DLGAP2: variants seen among roughly 807,000 people sequenced by gnomAD.
The protein encoded by DLGAP2 is disks large-associated protein 2.
A neutral mutation model predicts 100.3 loss-of-function variants in DLGAP2; 26 were observed. That is an observed-to-expected ratio of 0.26 (90% CI 0.19 to 0.36). DLGAP2 has a LOEUF of 0.36. Ranked by LOEUF, DLGAP2 falls within the 10% of genes least tolerant of loss-of-function variation. DLGAP2 has a pLI of 1.00. For missense variants in DLGAP2, 1,858 were observed against 1,453.2 expected, an observed-to-expected ratio of 1.28 and a Z score of -4.53; for synonymous variants, 886 against 630.1, an observed-to-expected ratio of 1.41 and a Z score of -6.08.
chr8:1,202,725 C>T (rs1455088255), intron 2 of DLGAP2, among the ~76,000 whole-genome samples: 3 of 152,184 alleles, frequency 2.0e-5, no homozygotes, highest in South Asian at 2.1e-4. Context: ...GCTTCCTCCT[C>T]AGTCTCCTGT....
chr8:1,000,991 G>A (rs143710706), intron 2 of DLGAP2, among the ~76,000 whole-genome samples: 2 of 152,308 alleles, frequency 1.3e-5, no homozygotes, highest in East Asian at 3.9e-4. Flanking sequence ...CGCTCACCCT[G>A]TTCGCTGTGC....
At chr8:1,355,188 C>T (rs894555694) in intron 3 of DLGAP2, among the ~76,000 whole-genome samples, 4 of 152,230 alleles carry the variant, frequency 2.6e-5, no homozygotes, top group South Asian at 2.1e-4. Flanking sequence ...ACTGCATGCC[C>T]GTGACAGTGG....
chr8:1,074,331 G>A (rs2701949), intron 2 of DLGAP2, among the ~76,000 whole-genome samples: 2,905 of 148,462 alleles, frequency 0.02, 43 homozygotes, highest in African/African-American at 0.069. Context: ...AGCAGACTGA[G>A]GCTGAACTCA....
intron 6 of DLGAP2, among the ~76,000 whole-genome samples, chr8:1,567,310 G>A (rs78874977): frequency 0.01 from 1,594 of 152,318 alleles, 37 homozygotes; most frequent in African/African-American, 0.037. Context: ...GTCTTCTGGG[G>A]AAAAGCACAC....
chr8:1,043,318 ACGTGGGTGATGGGTGTGGGTGGTGGG>A (rs1802424137), intron 2 of DLGAP2, among the ~76,000 whole-genome samples: 1 of 46,632 alleles, frequency 2.1e-5, no homozygotes, highest in Non-Finnish European at 4.1e-5. Context: ...TGGGTGATGG[ACGTGGGTGATGGGTGTGGGTGGTGGG>A]TGTGGGTGGT....
At chr8:1,085,210 A>T (rs1803935496) in intron 2 of DLGAP2, among the ~76,000 whole-genome samples, 1 of 152,068 alleles carries the variant, frequency 6.6e-6, no homozygotes, top group Non-Finnish European at 1.5e-5. Flanking sequence ...TAATTGGATA[A>T]TTTCTTTTCT....
intron 1 of DLGAP2, among the ~76,000 whole-genome samples, chr8:781,105 A>G (rs964873162): frequency 1.3e-5 from 2 of 152,152 alleles, no homozygotes; most frequent in African/African-American, 4.8e-5. Context: ...TTATTGACTG[A>G]TCTTTATTCC....
chr8:1,381,037 T>C (rs1264711563), intron 3 of DLGAP2: 2 of 150,644 alleles, frequency 1.3e-5, no homozygotes, highest in Admixed American at 6.6e-5. Context: ...TTAAATAATA[T>C]AAGGAGTTCC....
At chr8:1,177,967 C>G (rs1019351220) in intron 2 of DLGAP2, among the ~76,000 whole-genome samples, 4 of 152,232 alleles carry the variant, frequency 2.6e-5, no homozygotes, top group African/African-American at 7.2e-5. Context: ...ATCGACATCT[C>G]CAACACAGCA....
At chr8:1,302,548 C>G (rs1375450863) in intron 3 of DLGAP2, 1 of 152,032 alleles carries the variant, frequency 6.6e-6, no homozygotes, top group Non-Finnish European at 1.5e-5. Context: ...GGACTGGACT[C>G]AGTATTTTAT....
chr8:850,641 A>G (rs1302977375), intron 1 of DLGAP2, among the ~76,000 whole-genome samples: 1 of 152,184 alleles, frequency 6.6e-6, no homozygotes, highest in Non-Finnish European at 1.5e-5. Context: ...TTTACCTAGA[A>G]GAAAATTAGA....
chr8:1,227,153 G>GATATATAGATAT (rs1798434761), intron 2 of DLGAP2, among the ~76,000 whole-genome samples: 5 of 89,708 alleles, frequency 5.6e-5, no homozygotes, highest in African/African-American at 3.3e-4. Flanking sequence ...GAAACTGTGA[G>GATATATAGATAT]ATATATATAT....
intron 3 of DLGAP2, among the ~76,000 whole-genome samples, chr8:1,491,397 T>TCGGAGGCTTCGGGCTGCTCCCCCGATCC (rs56365838): frequency 2.9e-4 from 44 of 149,474 alleles, no homozygotes; most frequent in Admixed American, 6.6e-4. Context: ...CCCCCTGACC[T>TCGGAGGCTTCGGGCTGCTCCCCCGATCC]CGGAGGCTTC....
Position 913,251 on chromosome 8 carries a change from C to T in DLGAP2, c.73+5285C>T, listed in dbSNP as rs186218844. Among the ~76,000 whole-genome samples, 245 of 152,254 alleles carry T rather than the reference C, an allele frequency of 1.6e-3. 4 individuals carry two copies. The highest frequency in any genetic ancestry group is 5.6e-3 in the African/African-American group (232 of 41,540). On this transcript the variant is annotated intron_variant, in intron 2 of 14. Transcript: ENST00000637795. ...AGCACTTTGGAGGTTTAGTTCAAAACGGCAGAGGGACACCATTGTTGAAAT... is the reference window on the plus strand; with the variant it reads ...AGCACTTTGGAGGTTTAGTTCAAAATGGCAGAGGGACACCATTGTTGAAAT...
chr8:1,417,736 C>CTCCAGGGGG (rs1796971149), intron 3 of DLGAP2, among the ~76,000 whole-genome samples: 1 of 16,514 alleles, frequency 6.1e-5, no homozygotes, highest in Non-Finnish European at 1.3e-4. Flanking sequence ...GACACAGAAG[C>CTCCAGGGGG]CCACGGAGAC....
In DLGAP2 at chr8:1,192,331, A is replaced by G. The variant is rs116798242; in HGVS notation, c.74-66520A>G. Among the ~76,000 whole-genome samples, 949 of 152,320 alleles carry G rather than the reference A, an allele frequency of 6.2e-3. 16 individuals carry two copies. The highest frequency in any genetic ancestry group is 0.023 in the East Asian group (118 of 5,178). ...AAAGTATATATTTATGGTGTAGAAT[A>G]TGATGCTTTGCATTGTGAATACCTT... On this transcript the variant is annotated intron_variant, in intron 2 of 14. Coordinates refer to ENST00000637795, the MANE Select transcript of DLGAP2 (RefSeq NM_001346810.2).
chr8:888,942 A>C (rs1199268814), intron 1 of DLGAP2, among the ~76,000 whole-genome samples: 3 of 152,096 alleles, frequency 2.0e-5, no homozygotes, highest in Non-Finnish European at 4.4e-5. Flanking sequence ...TGTTTATTTC[A>C]TCTGGATGCA....
At chr8:800,358 C>T (rs571727158) in intron 1 of DLGAP2, among the ~76,000 whole-genome samples, 1 of 152,318 alleles carries the variant, frequency 6.6e-6, no homozygotes, top group South Asian at 2.1e-4. Flanking sequence ...TTGGTGTTGC[C>T]TGCAAAGGAG....
intron 3 of DLGAP2, among the ~76,000 whole-genome samples, chr8:1,329,224 G>A (rs1034245217): frequency 1.2e-4 from 18 of 152,220 alleles, no homozygotes; most frequent in Middle Eastern, 3.2e-3. Context: ...CTTTTAGTCA[G>A]TCTTTAAAAG....
Sources: gnomAD v4.1 joint callset for allele counts (sites outside exome capture counted in the v4.1 genomes callset) on GRCh38, gnomAD v4.1.1 for gene constraint, MANE v1.5 for transcripts, NCBI Gene and HGNC (gene_info 2026-07-23, HGNC 2026-07-21) for gene names.